Variants in SHOC2 observed in about 807,000 individuals in gnomAD.
SHOC2 encodes leucine-rich repeat protein SHOC-2.
A neutral mutation model predicts 50.2 loss-of-function variants in SHOC2; 4 were observed. The observed-to-expected ratio is 0.08, with a 90% CI of 0.04 to 0.18. The LOEUF (loss-of-function observed/expected upper bound fraction) is 0.18. Ranked by LOEUF, SHOC2 falls within the 10% of genes least tolerant of loss-of-function variation. The pLI is 1.00. For synonymous variants in SHOC2, 218 were observed against 244.5 expected (o/e 0.89, Z 1.01); for missense variants, 388 against 669.6 (o/e 0.58, Z 4.64).
intron 1 of SHOC2, among the ~76,000 whole-genome samples, chr10:110,941,528 C>T (rs890568909): frequency 2.0e-5 from 3 of 151,638 alleles, no homozygotes; most frequent in Non-Finnish European, 4.4e-5. Flanking sequence ...GACAGGGTTT[C>T]GCCATGTTGG....
At chr10:110,949,157 G>A (rs572175123) in intron 1 of SHOC2, among the ~76,000 whole-genome samples, 126 of 152,200 alleles carry the variant, frequency 8.3e-4, no homozygotes, top group Middle Eastern at 3.4e-3. Context: ...AAGAGATAAT[G>A]AAACTAAGAG....
At chr10:110,992,887 A>G (rs1848209933) in intron 3 of SHOC2, among the ~76,000 whole-genome samples, 1 of 152,122 alleles carries the variant, frequency 6.6e-6, no homozygotes, top group Non-Finnish European at 1.5e-5. Context: ...TCCAACCCTG[A>G]GTCTTTCCTA....
intron 1 of SHOC2, chr10:110,936,757 C>T (rs1181694288): frequency 2.0e-5 from 20 of 983,980 alleles, no homozygotes; most frequent in Non-Finnish European, 3.0e-5. Context: ...TCTCTTTCCT[C>T]TTCTCCTCCA....
intron 3 of SHOC2, 60 bp downstream of exon 3, chr10:110,985,825 C>G: frequency 1.4e-6 from 2 of 1,410,908 alleles, no homozygotes; most frequent in South Asian, 2.3e-5. Flanking sequence ...ATTAATAGGA[C>G]TATTTTTGAT....
chr10:110,966,333 T>C (rs1847674632), intron 2 of SHOC2, among the ~76,000 whole-genome samples: 1 of 152,078 alleles, frequency 6.6e-6, no homozygotes, highest in Admixed American at 6.6e-5. Context: ...TGGGTGAAAA[T>C]GTTCCATTCC....
chr10:110,941,049 G>A (rs1190938918), intron 1 of SHOC2, among the ~76,000 whole-genome samples: 3 of 149,734 alleles, frequency 2.0e-5, no homozygotes, highest in African/African-American at 4.9e-5. Context: ...CTTCCACCTC[G>A]GCCTCCCAAG....
At chr10:110,998,878 A>G (rs1485383815) in intron 3 of SHOC2, among the ~76,000 whole-genome samples, 1 of 152,200 alleles carries the variant, frequency 6.6e-6, no homozygotes, top group African/African-American at 2.4e-5. Flanking sequence ...TGATGACCAA[A>G]TAAGGATCAT....
chr10:110,981,770 G>A (rs1235564282), intron 2 of SHOC2, among the ~76,000 whole-genome samples: 1 of 151,404 alleles, frequency 6.6e-6, no homozygotes, highest in Non-Finnish European at 1.5e-5. Flanking sequence ...AACCCACCTT[G>A]CATATCTGGA....
At chr10:110,959,958 C>T (rs1202781426) in intron 1 of SHOC2, among the ~76,000 whole-genome samples, 2 of 152,198 alleles carry the variant, frequency 1.3e-5, no homozygotes, top group African/African-American at 4.8e-5. Context: ...TAAGAGTACA[C>T]TGCTGGAACA....
chr10:110,977,781 C>T (rs1387109396), intron 2 of SHOC2, among the ~76,000 whole-genome samples: 2 of 152,166 alleles, frequency 1.3e-5, no homozygotes, highest in Non-Finnish European at 2.9e-5. Flanking sequence ...ATTTTGATGA[C>T]TCCCTGATAA....
At chr10:110,966,663 A>T (rs1224393430) in intron 2 of SHOC2, among the ~76,000 whole-genome samples, 2 of 152,110 alleles carry the variant, frequency 1.3e-5, no homozygotes, top group African/African-American at 2.4e-5. Flanking sequence ...CATTTTTACT[A>T]AAAAGTGAAT....
intron 1 of SHOC2, among the ~76,000 whole-genome samples, chr10:110,957,519 T>A (rs1389183306): frequency 6.6e-6 from 1 of 151,130 alleles, no homozygotes; most frequent in Admixed American, 6.6e-5. Context: ...ATCAGATTCT[T>A]AATCATGAAG....
chr10:110,959,617 A>G (rs1440515241), intron 1 of SHOC2, among the ~76,000 whole-genome samples: 2 of 152,248 alleles, frequency 1.3e-5, no homozygotes, highest in African/African-American at 4.8e-5. Context: ...AAAACTCTTT[A>G]AACATACAGC....
chr10:111,001,235 T>A (rs927250238), intron 4 of SHOC2, among the ~76,000 whole-genome samples: 1 of 151,014 alleles, frequency 6.6e-6, no homozygotes, highest in African/African-American at 2.4e-5. Flanking sequence ...TTGGCTCGGC[T>A]GCAACCTCTG....
chr10:111,003,848 G>T (rs753892706), intron 4 of SHOC2, among the ~76,000 whole-genome samples: 1 of 151,996 alleles, frequency 6.6e-6, no homozygotes, highest in Non-Finnish European at 1.5e-5. Flanking sequence ...GATTATATAC[G>T]GTCGTATATT....
intron 3 of SHOC2, among the ~76,000 whole-genome samples, chr10:110,991,249 A>G (rs1056179300): frequency 6.6e-6 from 1 of 152,218 alleles, no homozygotes; most frequent in African/African-American, 2.4e-5. Context: ...TATATGATAC[A>G]GTCTTCTAGT....
chr10:111,006,209 G>T (rs1157518877), intron 5 of SHOC2, among the ~76,000 whole-genome samples: 1 of 152,168 alleles, frequency 6.6e-6, no homozygotes, highest in Non-Finnish European at 1.5e-5. Context: ...AGTAGTTTAG[G>T]CATAGATAGG....
chr10:110,939,410 G>C (rs1847093659), intron 1 of SHOC2, among the ~76,000 whole-genome samples: 1 of 151,974 alleles, frequency 6.6e-6, no homozygotes, highest in Non-Finnish European at 1.5e-5. Context: ...TATAGAAATA[G>C]GGTTTCCTTA....
intron 1 of SHOC2, among the ~76,000 whole-genome samples, chr10:110,934,047 AAAT>A (rs748390230): frequency 1.3e-5 from 2 of 152,364 alleles, no homozygotes; most frequent in African/African-American, 2.4e-5. Context: ...ATGTAGATTT[AAAT>A]AATATATCAT....
Sources: gnomAD v4.1 joint callset for allele counts (sites outside exome capture counted in the v4.1 genomes callset) on GRCh38, gnomAD v4.1.1 for gene constraint, MANE v1.5 for transcripts, NCBI Gene and HGNC (gene_info 2026-07-23, HGNC 2026-07-21) for gene names.